The following COG5 variants were observed in gnomAD, a reference collection of about 807,000 sequenced individuals.
The protein encoded by COG5 is component of oligomeric golgi complex 5.
Under a neutral mutation model 110.4 loss-of-function variants are expected in COG5, and 86 were observed. The observed-to-expected ratio is 0.78, with a 90% CI of 0.65 to 0.93. COG5 has a LOEUF of 0.93. Among genes scored for constraint, COG5 ranks in the 40% least tolerant of loss-of-function variants. COG5 has a pLI of 0.00. For missense variants in COG5, 1,077 were observed against 987.0 expected (o/e 1.09, Z -1.22); for synonymous variants, 360 against 334.6 (o/e 1.08, Z -0.83).
In COG5 at chr7:107,362,062, G is replaced by T; in HGVS notation, c.997C>A (p.His333Asn). The change falls in exon 10 of 22, where the codon CAC (histidine) becomes AAC (asparagine). Residue 333 changes from histidine (H) to asparagine (N), a missense_variant. Coordinates refer to ENST00000297135, the MANE Select transcript of COG5 (RefSeq NM_006348.5). Reference sequence around the variant, plus strand: ...ACTATTTCTTCAATGAAACAAATGTGAGAAACAGGATCTCTCTTCTTGGCC... The same window carrying T: ...ACTATTTCTTCAATGAAACAAATGTTAGAAACAGGATCTCTCTTCTTGGCC... ...VLAKKRDPVS[H>N]ICFIEEIVKD... 1 of 1,608,122 alleles carries T rather than the reference G, an allele frequency of 6.2e-7. No homozygotes were observed. The highest frequency in any genetic ancestry group is 8.5e-7 in the Non-Finnish European group (1 of 1,175,308).
intron 19 of COG5, among the ~76,000 whole-genome samples, chr7:107,215,805 G>T (rs1799487408): frequency 6.6e-6 from 1 of 150,938 alleles, no homozygotes; most frequent in African/African-American, 2.4e-5. Flanking sequence ...TGCCTCCTGG[G>T]TTCACGCCAT....
intron 6 of COG5, among the ~76,000 whole-genome samples, chr7:107,494,994 T>C (rs980442790): frequency 1.3e-5 from 2 of 152,128 alleles, no homozygotes; most frequent in African/African-American, 4.8e-5. Flanking sequence ...AACATACATA[T>C]GCGTGGCAGA....
chr7:107,475,408 A>C, intron 6 of COG5: 3 of 901,098 alleles, frequency 3.3e-6, no homozygotes, highest in Non-Finnish European at 5.0e-6. Context: ...TGAGTTTTAA[A>C]TTTAAATTGT....
At chr7:107,217,566 G>C (rs1260738108) in intron 19 of COG5, among the ~76,000 whole-genome samples, 2 of 152,078 alleles carry the variant, frequency 1.3e-5, no homozygotes, top group Admixed American at 6.5e-5. Context: ...CTCCCTGGGA[G>C]AAATGCAAGG....
intron 7 of COG5, among the ~76,000 whole-genome samples, chr7:107,378,645 C>T (rs890273480): frequency 6.6e-6 from 1 of 151,764 alleles, no homozygotes; most frequent in African/African-American, 2.4e-5. Flanking sequence ...TATCAACAGC[C>T]GAAACGATCA....
chr7:107,509,606 CA>C (rs1799334649), intron 6 of COG5, among the ~76,000 whole-genome samples: 1 of 152,118 alleles, frequency 6.6e-6, no homozygotes. Context: ...TCAGATTCAC[CA>C]AAGTTGAAAT....
chr7:107,529,206 C>T (rs1193731701), intron 5 of COG5, among the ~76,000 whole-genome samples: 1 of 152,140 alleles, frequency 6.6e-6, no homozygotes, highest in Non-Finnish European at 1.5e-5. Context: ...TCTGTCCCAA[C>T]TATGCACTTA....
At chr7:107,503,749 T>G (rs1798787708) in intron 6 of COG5, among the ~76,000 whole-genome samples, 1 of 152,196 alleles carries the variant, frequency 6.6e-6, no homozygotes. Context: ...TATTTTATCT[T>G]TTTTGCAGAT....
intron 16 of COG5, among the ~76,000 whole-genome samples, chr7:107,249,690 T>TTGTGTCTGTG (rs1247487439): frequency 6.8e-5 from 9 of 131,658 alleles, no homozygotes; most frequent in Admixed American, 2.3e-4. Flanking sequence ...ACGTACAGGA[T>TTGTGTCTGTG]TGTGTGTGTG....
At chr7:107,547,843 C>T (rs1367366395) in intron 5 of COG5, among the ~76,000 whole-genome samples, 1 of 151,200 alleles carries the variant, frequency 6.6e-6, no homozygotes, top group African/African-American at 2.4e-5. Flanking sequence ...AGCATCTATA[C>T]ATTGAAAGCT....
intron 6 of COG5, among the ~76,000 whole-genome samples, chr7:107,444,236 C>T (rs1485074132): frequency 6.6e-6 from 1 of 152,162 alleles, no homozygotes; most frequent in Non-Finnish European, 1.5e-5. Context: ...ACCACAATCT[C>T]CTATCCTCAG....
chr7:107,356,627 CA>C (rs1812644638), intron 10 of COG5, among the ~76,000 whole-genome samples: 1 of 152,034 alleles, frequency 6.6e-6, no homozygotes, highest in African/African-American at 2.4e-5. Flanking sequence ...AATTTCAGTA[CA>C]TTTTTTTTAA....
intron 5 of COG5, among the ~76,000 whole-genome samples, chr7:107,533,069 C>T (rs774160089): frequency 7.4e-5 from 11 of 147,934 alleles, no homozygotes; most frequent in Non-Finnish European, 1.5e-4. Flanking sequence ...CTCCAGCAGA[C>T]CTGCAGCAGA....
intron 17 of COG5, among the ~76,000 whole-genome samples, chr7:107,238,106 A>C (rs1801340452): frequency 6.6e-6 from 1 of 152,144 alleles, no homozygotes; most frequent in Non-Finnish European, 1.5e-5. Context: ...CTTATCATTT[A>C]TTCCTCCTAA....
chr7:107,532,574 T>A (rs1419240903), intron 5 of COG5, among the ~76,000 whole-genome samples: 1 of 152,158 alleles, frequency 6.6e-6, no homozygotes, highest in African/African-American at 2.4e-5. Flanking sequence ...TATTTTTAAA[T>A]GACATTAAAG....
intron 7 of COG5, among the ~76,000 whole-genome samples, chr7:107,380,856 C>A (rs4727673): frequency 0.59 from 89,702 of 150,912 alleles, 27,709 homozygotes; most frequent in African/African-American, 0.78. Flanking sequence ...GACACAACAA[C>A]AAAAAAAAAT....
chr7:107,439,874 T>C (rs955432795), intron 6 of COG5, among the ~76,000 whole-genome samples: 4 of 152,078 alleles, frequency 2.6e-5, no homozygotes, highest in African/African-American at 4.8e-5. Context: ...GACTCTAAGT[T>C]TGGTAAGGTG....
chr7:107,536,459 A>T (rs1801589182), intron 5 of COG5, among the ~76,000 whole-genome samples: 1 of 152,246 alleles, frequency 6.6e-6, no homozygotes, highest in Non-Finnish European at 1.5e-5. Context: ...AATCACAAGC[A>T]TTCCTATACA....
intron 19 of COG5, among the ~76,000 whole-genome samples, chr7:107,224,444 T>C (rs1004125051): frequency 1.3e-5 from 2 of 152,224 alleles, no homozygotes; most frequent in African/African-American, 4.8e-5. Context: ...ACACAGCCCC[T>C]ATCTCCTGAC....
Sources: allele counts gnomAD v4.1 joint callset (sites outside exome capture counted in the v4.1 genomes callset), GRCh38; gene constraint gnomAD v4.1.1; transcripts MANE v1.5; gene names NCBI Gene and HGNC (gene_info 2026-07-23, HGNC 2026-07-21).